Variants in RASIP1 observed in about 807,000 individuals in gnomAD.
RASIP1 encodes Ras interacting protein 1.
RASIP1 carries 20 observed loss-of-function variants against 85.3 expected under a neutral mutation model. The observed-to-expected ratio is 0.23, with a 90% CI of 0.17 to 0.34. The LOEUF (loss-of-function observed/expected upper bound fraction) is 0.34, where lower values mean the gene tolerates loss of function less well. Among genes scored for constraint, RASIP1 ranks in the 10% least tolerant of loss-of-function variants. RASIP1 has a pLI of 1.00. For synonymous variants in RASIP1, 617 were observed against 647.1 expected, an observed-to-expected ratio of 0.95 and a Z score of 0.71; for missense variants, 1,170 against 1,390.9, an observed-to-expected ratio of 0.84 and a Z score of 2.53.
intron 4 of RASIP1, among the ~76,000 whole-genome samples, chr19:48,733,158 G>A (rs374654032): frequency 6.6e-6 from 1 of 152,210 alleles, no homozygotes; most frequent in Non-Finnish European, 1.5e-5. Context: ...CTGGGTAGCT[G>A]AGACTACAGA....
At position 48,724,643 on chromosome 19, in the gene RASIP1, T is replaced by C. The variant is rs1000580411; in HGVS notation, c.2371+74A>G. 1.3e-6 allele frequency: 2 copies of C among 1,591,160 alleles called. No individual in the cohort carries two copies. The highest frequency in any genetic ancestry group is 1.7e-6 in the Non-Finnish European group (2 of 1,166,268). ...TACCCAAAGGTGAGGCTTGAGCCCG[T>C]GGTGTGTCTAATATGACCTGAGTCT... is the stretch of plus-strand genomic sequence containing the variant. On this transcript the variant is annotated intron_variant, in intron 9 of 11. Transcript: ENST00000222145. This position sits in a 1 kb window ranked among gnomAD's most constrained non-coding sequence, Gnocchi z 4.6.
chr19:48,729,315 G>T lies in RASIP1; in HGVS notation c.1455C>A (p.Phe485Leu). 6.4e-7 allele frequency: 1 copy of T among 1,559,100 alleles called. No homozygotes were observed. The highest frequency in any genetic ancestry group is 8.7e-7 in the Non-Finnish European group (1 of 1,152,300). ...DLLGLGEHFL[F>L]MYKDPRTGGS... ...CCCCAGTGCGGGGGTCCTTGTACAT[G>T]AACAGGAAGTGCTCGCCCAGCCCCA... The change falls in exon 5 of 12, where the codon TTC becomes TTA. Residue 485 changes from phenylalanine (F) to leucine (L), a missense_variant. By Grantham distance (22) the Phe-to-Leu change is conservative. Coordinates refer to ENST00000222145, the MANE Select transcript of RASIP1 (RefSeq NM_017805.3).
Position 48,720,945 on chromosome 19 carries a change from C to G in RASIP1, c.2745G>C (p.Gly915=). Reference sequence around the variant, plus strand: ...GACCAGTGAGGCGCAGGCGCGAGCTCCCCAGGGGGAGGATGAGGGGCGGGT... The same window carrying G: ...GACCAGTGAGGCGCAGGCGCGAGCTGCCCAGGGGGAGGATGAGGGGCGGGT... ...SSHPPLILPL[G]SSRLRLTGPV... is the part of the protein sequence containing the mutation. Residue 915 remains glycine, a synonymous_variant, in exon 12 of 12, where the codon GGG becomes GGC. Transcript: ENST00000222145. 6.2e-7 allele frequency: 1 copy of G among 1,612,940 alleles called. No homozygotes were observed. The highest frequency in any genetic ancestry group is 8.5e-7 in the Non-Finnish European group (1 of 1,179,682).
In RASIP1 at chr19:48,740,100, G is replaced by C; in HGVS notation, c.137+46C>G. 6.6e-7 allele frequency: 1 copy of C among 1,524,680 alleles called. No homozygotes were observed. The highest frequency in any genetic ancestry group is 8.8e-7 in the Non-Finnish European group (1 of 1,140,776). The allele number at this position is 1,524,680 out of a possible 1,614,324, so 94.4% of individuals were successfully genotyped here. ...ACTGGGCAGTGAACAGGGACAGATG[G>C]GAAGCAGGTGTGCAGGGGCAGGAGT... is the stretch of plus-strand genomic sequence containing the variant. On this transcript the variant is annotated intron_variant, in intron 2 of 11. Transcript: ENST00000222145. This position sits in a 1 kb window ranked among gnomAD's most constrained non-coding sequence, Gnocchi z 5.5.
rs752796750 is a variant in RASIP1, at chr19:48,739,503, G to T, written c.280C>A (p.Arg94=). 18 of 1,509,478 alleles carry T rather than the reference G, an allele frequency of 1.2e-5. 1 individual carries two copies. The South Asian group carries it at 2.1e-4, about 18-fold the overall frequency. 93.5% of individuals were successfully genotyped at this position (1,509,478 alleles called of 1,614,324 possible). ...CCCGTGGTCCCGGTCCCCGAGCCCC[G>T]GAAGAGCTGGGAGATGCGCTTGGCG... ...SRAKRISQLF[R]GSGTGTTGSS... is the part of the protein sequence containing the mutation. Residue 94 remains arginine (R), a synonymous_variant, in exon 3 of 12, where the codon CGG becomes AGG. Coordinates refer to ENST00000222145, the MANE Select transcript of RASIP1 (RefSeq NM_017805.3). This position sits in a 1 kb window ranked among gnomAD's most constrained non-coding sequence, Gnocchi z 9.2.
chr19:48,727,513 A>G (rs2033362951), intron 5 of RASIP1, 83 bp from the exon 6 acceptor site: 1 of 1,428,334 alleles, frequency 7.0e-7, no homozygotes, highest in Non-Finnish European at 9.8e-7. Context: ...TTATAGAAGC[A>G]CAACTCTCAT....
In RASIP1 at chr19:48,724,567, C is replaced by T; in HGVS notation, c.2372-58G>A. On this transcript the variant is annotated intron_variant, in intron 9 of 11. Coordinates refer to ENST00000222145, the MANE Select transcript of RASIP1 (RefSeq NM_017805.3). The surrounding 1 kb of genome is among the most constrained non-coding windows in gnomAD (Gnocchi z 4.6). ...TTGGCTGGACTCTGTGCTCCTGCCT[C>T]CCAGACTCTTCCTATCCTTCAGCCT... 2 of 1,584,056 alleles carry T rather than the reference C, an allele frequency of 1.3e-6. No homozygotes were observed. The highest frequency in any genetic ancestry group is 2.3e-5 in the South Asian group (2 of 87,380).
intron 4 of RASIP1, among the ~76,000 whole-genome samples, chr19:48,731,198 T>TG (rs1416497375): frequency 6.6e-6 from 1 of 152,134 alleles, no homozygotes; most frequent in Non-Finnish European, 1.5e-5. Flanking sequence ...CGCTTGAACC[T>TG]GGGAGGTGGA....
chr19:48,726,256 C>G (rs1273649810), intron 8 of RASIP1, among the ~76,000 whole-genome samples: 2 of 151,746 alleles, frequency 1.3e-5, no homozygotes, highest in Non-Finnish European at 2.9e-5. Context: ...GAGTCTCGCT[C>G]CATCTCCCGG....
Position 48,735,402 on chromosome 19 carries a change from G to T in RASIP1, c.973C>A (p.Arg325Ser). ...KERSENLSLR[R>S]SVSELSLQGR... ...TGAAGGCTAAGCTCCGACACGCTGC[G>T]CCGCAAAGACAAGTTTTCTGAGCGC... Residue 325 changes from arginine to serine, a missense_variant, in exon 4 of 12, where the codon CGC (arginine) becomes AGC (serine). Physicochemically the swap from Arg to Ser is moderately radical, Grantham distance 110. This residue lies in a region of RASIP1 where 301 missense variants were observed against 294.8 expected (regional missense o/e 1.02). Coordinates refer to ENST00000222145, the MANE Select transcript of RASIP1 (RefSeq NM_017805.3). The T allele has an allele frequency of 6.2e-7, 1 of 1,612,694 alleles. No homozygotes were observed. Among genetic ancestry groups the T allele is most frequent in the Non-Finnish European group, 8.5e-7 (1 of 1,179,704 alleles).
chr19:48,737,698 A>C (rs2033598292), intron 3 of RASIP1: 1 of 984,724 alleles, frequency 1.0e-6, no homozygotes, highest in Non-Finnish European at 1.2e-6. Context: ...ACCTCAACCT[A>C]CTTGGCAGAG....
At chr19:48,736,365 T>C (rs2033573001) in intron 3 of RASIP1, among the ~76,000 whole-genome samples, 1 of 151,936 alleles carries the variant, frequency 6.6e-6, no homozygotes, top group African/African-American at 2.4e-5. Flanking sequence ...ATCGTGCCAC[T>C]GCACTCTAGC....
chr19:48,721,175 A>C (rs1374887544), intron 11 of RASIP1, among the ~76,000 whole-genome samples, 178 bp from the exon 12 acceptor site: 1 of 152,106 alleles, frequency 6.6e-6, no homozygotes, highest in Non-Finnish European at 1.5e-5. Context: ...TGGAAGTTGT[A>C]GTTCAGACGA....
At chr19:48,730,939 C>T (rs1381972777) in intron 4 of RASIP1, among the ~76,000 whole-genome samples, 1 of 152,088 alleles carries the variant, frequency 6.6e-6, no homozygotes, top group Non-Finnish European at 1.5e-5. Flanking sequence ...ATCGCTTGAA[C>T]CCAGGAGGCA....
Position 48,739,017 on chromosome 19 carries a change from C to G in RASIP1, c.766G>C (p.Gly256Arg). Reference protein sequence around the residue: ...PGWARRFELRGREEARRLEQE... With the variant: ...PGWARRFELRRREEARRLEQE... ...TCCAGGCGCCGCGCCTCCTCGCGGC[C>G]GCGCAACTCGAAGCGCCGCGCCCAG... Residue 256 changes from glycine (G) to arginine (R), a missense_variant, in exon 3 of 12, where the codon GGC becomes CGC. This residue lies in a region of RASIP1 where 301 missense variants were observed against 294.8 expected (regional missense o/e 1.02). Transcript: ENST00000222145. This position sits in a 1 kb window ranked among gnomAD's most constrained non-coding sequence, Gnocchi z 9.2. The G allele has an allele frequency of 1.6e-6, 2 of 1,245,726 alleles. No individual in the cohort carries two copies. The highest frequency in any genetic ancestry group is 2.0e-6 in the Non-Finnish European group (2 of 998,704). 77.2% of individuals were successfully genotyped at this position (1,245,726 alleles called of 1,614,324 possible).
chr19:48,728,550 G>A (rs2033383088), intron 5 of RASIP1, among the ~76,000 whole-genome samples: 1 of 152,136 alleles, frequency 6.6e-6, no homozygotes, highest in East Asian at 1.9e-4. Flanking sequence ...CGAACCACGA[G>A]GTCAGGAGTT....
In RASIP1 at chr19:48,738,893, GC is replaced by G. The variant is rs2033619433; in HGVS notation, c.823+66del. ...CGCGAGTCCCACAAGCCCCGCCCAGGCCCCGCCCCACGGACCCCGCCTCTCT... is the reference window on the plus strand; with the variant it reads ...CGCGAGTCCCACAAGCCCCGCCCAGGCCCGCCCCACGGACCCCGCCTCTCT... On this transcript the variant is annotated intron_variant, in intron 3 of 11. Coordinates refer to ENST00000222145, the MANE Select transcript of RASIP1 (RefSeq NM_017805.3). The surrounding 1 kb of genome is among the most constrained non-coding windows in gnomAD (Gnocchi z 4.0). 8 of 1,106,652 alleles carry G rather than the reference GC, an allele frequency of 7.2e-6. No homozygotes were observed. The highest frequency in any genetic ancestry group is 8.9e-6 in the Non-Finnish European group (8 of 900,204). The allele number at this position is 1,106,652 out of a possible 1,614,324, so 68.6% of individuals were successfully genotyped here.
At chr19:48,723,671 A>T (rs1317543473) in intron 10 of RASIP1, among the ~76,000 whole-genome samples, 1 of 152,064 alleles carries the variant, frequency 6.6e-6, no homozygotes, top group Non-Finnish European at 1.5e-5. Context: ...GGGCTTTGTC[A>T]GCATTAAACT....
At chr19:48,735,857 A>G (rs2033560930) in intron 3 of RASIP1, among the ~76,000 whole-genome samples, 7 of 150,510 alleles carry the variant, frequency 4.7e-5, no homozygotes. Context: ...GTGCAGTGGC[A>G]CGATCTCGGC....
Sources: allele counts gnomAD v4.1 joint callset (sites outside exome capture counted in the v4.1 genomes callset), GRCh38; gene constraint gnomAD v4.1.1; regional missense constraint gnomAD v4.1.1; non-coding constraint Gnocchi (gnomAD v3.1); transcripts MANE v1.5; gene names NCBI Gene and HGNC (gene_info 2026-07-23, HGNC 2026-07-21).